AGBL4: variants seen among roughly 807,000 people sequenced by gnomAD.
The protein encoded by AGBL4 is cytosolic carboxypeptidase 6.
In AGBL4, 58 loss-of-function variants were observed where a neutral mutation model predicts 66.4. The observed-to-expected ratio is 0.87, with a 90% CI of 0.71 to 1.09. The LOEUF (loss-of-function observed/expected upper bound fraction) is 1.09. Among genes scored for constraint, AGBL4 ranks in the 50% least tolerant of loss-of-function variants. The probability of loss-of-function intolerance (pLI) is 0.00; values close to 1 mark genes in which losing one functional copy is unlikely to be tolerated. For synonymous variants in AGBL4, 234 were observed against 222.9 expected, an observed-to-expected ratio of 1.05 and a Z score of -0.44; for missense variants, 579 against 631.0, an observed-to-expected ratio of 0.92 and a Z score of 0.88.
At chr1:49,768,790 G>T (rs913413178) in intron 2 of AGBL4, among the ~76,000 whole-genome samples, 1 of 151,756 alleles carries the variant, frequency 6.6e-6, no homozygotes, top group South Asian at 2.1e-4. Context: ...CCACCAAAAG[G>T]CTTCTAGAAC....
chr1:49,420,020 G>T (rs187039695), intron 3 of AGBL4, among the ~76,000 whole-genome samples: 4 of 152,308 alleles, frequency 2.6e-5, no homozygotes, highest in Admixed American at 2.6e-4. Flanking sequence ...TTAACAGGAT[G>T]CCTACTGATT....
chr1:49,061,513 C>T (rs1031044033), intron 4 of AGBL4, among the ~76,000 whole-genome samples: 2 of 152,088 alleles, frequency 1.3e-5, no homozygotes, highest in African/African-American at 2.4e-5. Flanking sequence ...GACTGAAGAA[C>T]GATATGGCAC....
At chr1:49,862,918 AG>A (rs1646610071) in intron 1 of AGBL4, among the ~76,000 whole-genome samples, 1 of 152,214 alleles carries the variant, frequency 6.6e-6, no homozygotes, top group African/African-American at 2.4e-5. Flanking sequence ...TTCAATCAGA[AG>A]GAGAAGGATG....
chr1:49,758,487 G>T (rs1316161525), intron 2 of AGBL4, among the ~76,000 whole-genome samples: 1 of 151,998 alleles, frequency 6.6e-6, no homozygotes. Context: ...GCCTATGAAG[G>T]AACTGCCCAG....
At chr1:49,627,010 G>A (rs1028437739) in intron 3 of AGBL4, among the ~76,000 whole-genome samples, 2 of 152,136 alleles carry the variant, frequency 1.3e-5, no homozygotes, top group Non-Finnish European at 2.9e-5. Context: ...TGAAGCTGTG[G>A]TATTATTCAA....
Position 48,846,355 on chromosome 1 carries a change from AAAGAAAG to A in AGBL4, c.634+20829_634+20835del, listed in dbSNP as rs1646909747. On this transcript the variant is annotated intron_variant, in intron 6 of 13. Coordinates refer to ENST00000371839, the MANE Select transcript of AGBL4 (RefSeq NM_032785.4). ...AGATAAGAAAAAGAAAAGAAAGGAG[AAAGAAAG>A]AAGAAAGAAAGAAAGAAAGAAAGAA... Among the ~76,000 whole-genome samples, 4 of 144,256 alleles carry A rather than the reference AAAGAAAG, an allele frequency of 2.8e-5. No homozygotes were observed. In the South Asian group the frequency reaches 9.0e-4, roughly 33 times the overall value. The allele number at this position is 144,256 out of a possible 152,430, so 94.6% of individuals were successfully genotyped here.
intron 2 of AGBL4, chr1:49,842,173 G>T: frequency 4.9e-6 from 2 of 411,980 alleles, no homozygotes; most frequent in South Asian, 2.3e-5. Context: ...AGGAGCATGT[G>T]ACCTTTGAGG....
chr1:49,408,242 C>T (rs1645244631), intron 3 of AGBL4, among the ~76,000 whole-genome samples: 2 of 152,000 alleles, frequency 1.3e-5, no homozygotes, highest in South Asian at 4.2e-4. Context: ...ATTCATGAAC[C>T]AAAATACTGA....
chr1:49,185,566 C>T (rs1011621732), intron 4 of AGBL4, among the ~76,000 whole-genome samples: 1 of 152,158 alleles, frequency 6.6e-6, no homozygotes, highest in Non-Finnish European at 1.5e-5. Context: ...CTTAGTTATA[C>T]CAATCAACAC....
intron 6 of AGBL4, among the ~76,000 whole-genome samples, chr1:48,744,084 G>A (rs1358112845): frequency 6.6e-6 from 1 of 152,166 alleles, no homozygotes; most frequent in Non-Finnish European, 1.5e-5. Context: ...TTAATTGTGT[G>A]ACCACAGGTG....
At chr1:49,564,623 G>T (rs1396051570) in intron 3 of AGBL4, among the ~76,000 whole-genome samples, 1 of 152,188 alleles carries the variant, frequency 6.6e-6, no homozygotes, top group Non-Finnish European at 1.5e-5. Context: ...GGTTTTGAGT[G>T]AGTTTCTTAA....
At chr1:49,632,083 G>A (rs925702992) in intron 3 of AGBL4, among the ~76,000 whole-genome samples, 1 of 152,156 alleles carries the variant, frequency 6.6e-6, no homozygotes, top group Non-Finnish European at 1.5e-5. Flanking sequence ...GAGATGTTCT[G>A]ACATGATTCA....
chr1:49,775,854 GA>G lies in AGBL4; in HGVS notation c.157+75541del, dbSNP rs553874700. Among the ~76,000 whole-genome samples, 30 of 152,150 alleles carry G rather than the reference GA, an allele frequency of 2.0e-4. No homozygotes were observed. In the East Asian group the frequency reaches 5.8e-3, roughly 29 times the overall value. ...GTATATTATGAGGGGAAAAGTAAAA[GA>G]TTTATTATTATAGTGGTAAAATTGT... On this transcript the variant is annotated intron_variant, in intron 2 of 13. Transcript: ENST00000371839.
At chr1:49,007,911 C>T (rs576777043) in intron 5 of AGBL4, among the ~76,000 whole-genome samples, 12 of 150,664 alleles carry the variant, frequency 8.0e-5, no homozygotes, top group East Asian at 1.9e-4. Flanking sequence ...CAGTACCAGC[C>T]ACTGCAAAAT....
At chr1:49,141,520 T>C (rs954214648) in intron 4 of AGBL4, among the ~76,000 whole-genome samples, 73 of 152,216 alleles carry the variant, frequency 4.8e-4, no homozygotes, top group Admixed American at 9.2e-4. Flanking sequence ...AATTGTCCCT[T>C]TATTAAATTA....
At chr1:49,157,103 A>C in intron 4 of AGBL4, among the ~76,000 whole-genome samples, 1 of 151,884 alleles carries the variant, frequency 6.6e-6, no homozygotes, top group East Asian at 1.9e-4. Context: ...TTTTTATTAT[A>C]CTTTAAGTTC....
intron 3 of AGBL4, among the ~76,000 whole-genome samples, chr1:49,401,172 A>C (rs1462435033): frequency 6.6e-6 from 1 of 152,078 alleles, no homozygotes; most frequent in African/African-American, 2.4e-5. Flanking sequence ...GGAAACTTAA[A>C]CTCATGGCAG....
chr1:49,999,604 AAG>A (rs1287960448), intron 1 of AGBL4, among the ~76,000 whole-genome samples: 1 of 152,142 alleles, frequency 6.6e-6, no homozygotes, highest in Non-Finnish European at 1.5e-5. Context: ...TGGAACCAAA[AAG>A]AGCCTACCTA....
intron 4 of AGBL4, among the ~76,000 whole-genome samples, chr1:49,230,142 C>T (rs908060671): frequency 6.6e-6 from 1 of 152,136 alleles, no homozygotes; most frequent in Admixed American, 6.5e-5. Context: ...ACGGCTTTGG[C>T]CTGAGAGGAG....
Sources: allele counts gnomAD v4.1 joint callset (sites outside exome capture counted in the v4.1 genomes callset), GRCh38; gene constraint gnomAD v4.1.1; transcripts MANE v1.5; gene names NCBI Gene and HGNC (gene_info 2026-07-23, HGNC 2026-07-21).